PSTPIP1: variants seen among roughly 807,000 people sequenced by gnomAD.
The protein encoded by PSTPIP1 is proline-serine-threonine phosphatase interacting protein 1, also known as proline-serine-threonine phosphatase-interacting protein 1.
A neutral mutation model predicts 69.6 loss-of-function variants in PSTPIP1; 66 were observed. That is an observed-to-expected ratio of 0.95 (90% CI 0.78 to 1.16). PSTPIP1 has a LOEUF of 1.16. PSTPIP1 is among the 50% of genes most tolerant of loss of function. The probability of loss-of-function intolerance (pLI) is 0.00; values close to 1 mark genes in which losing one functional copy is unlikely to be tolerated. For synonymous variants in PSTPIP1, 266 were observed against 222.7 expected (o/e 1.19, Z -1.73); for missense variants, 603 against 557.4 (o/e 1.08, Z -0.82).
rs2076323062 is a variant in PSTPIP1, at chr15:77,027,978, T to C, written c.417+64T>C. On this transcript the variant is annotated intron_variant, in intron 6 of 14. Coordinates refer to ENST00000558012, the MANE Select transcript of PSTPIP1 (RefSeq NM_003978.5). The surrounding 1 kb of genome is among the most constrained non-coding windows in gnomAD (Gnocchi z 4.3). ...GAGCAGCGCAGGTCTCAGGGTGCGA[T>C]CCTGGGCTGTGGCCCCGGGCAGGGC... 11 of 1,401,452 alleles carry C rather than the reference T, an allele frequency of 7.8e-6. No homozygotes were observed. In the Admixed American group the frequency reaches 1.8e-4, roughly 23 times the overall value. 86.8% of individuals were successfully genotyped at this position (1,401,452 alleles called of 1,614,324 possible).
chr15:77,036,370 G>A lies in PSTPIP1; in HGVS notation c.1119+435G>A, dbSNP rs116237318. ...CCAGGCTCTGTGCCTTTGGGTCAGG[G>A]CCCTGTCCTTCGTGGCCATGGGTGT... On this transcript the variant is annotated intron_variant, in intron 14 of 14. Transcript: ENST00000558012. 3.1e-3 allele frequency among the ~76,000 whole-genome samples: 475 copies of A among 152,330 alleles called. 3 individuals are homozygous for A. The highest frequency in any genetic ancestry group is 0.01 in the African/African-American group (426 of 41,586).
rs149810691 is a variant in PSTPIP1, at chr15:76,998,633, G to A, written c.36+3024G>A. Among the ~76,000 whole-genome samples, 10 of 152,302 alleles carry A rather than the reference G, an allele frequency of 6.6e-5. No homozygotes were observed. The East Asian group carries it at 1.9e-3, about 29-fold the overall frequency. ...TGATGGACCTGGACTACGAAAGGAC[G>A]TTTCACAGGCAGCTAGCAGCCTGAT... On this transcript the variant is annotated intron_variant, in intron 1 of 14. Transcript: ENST00000558012.
intron 3 of PSTPIP1, among the ~76,000 whole-genome samples, chr15:77,023,818 C>T (rs2076214072): frequency 6.6e-6 from 1 of 151,990 alleles, no homozygotes; most frequent in Non-Finnish European, 1.5e-5. Context: ...GTGCGGGGAC[C>T]ACGCTGTGCC....
chr15:77,018,328 C>A, intron 2 of PSTPIP1, 80 bp downstream of exon 2: 2 of 1,531,624 alleles, frequency 1.3e-6, no homozygotes, highest in Non-Finnish European at 8.8e-7. Flanking sequence ...GTGGACGAGG[C>A]CCCCATCCCA....
intron 14 of PSTPIP1, among the ~76,000 whole-genome samples, chr15:77,036,670 T>C (rs2076581264): frequency 6.6e-6 from 1 of 152,042 alleles, no homozygotes. Flanking sequence ...GGTACTTGGA[T>C]GGCAGTGGCT....
At chr15:77,016,630 G>C (rs999941209) in intron 1 of PSTPIP1, among the ~76,000 whole-genome samples, 1 of 151,950 alleles carries the variant, frequency 6.6e-6, no homozygotes, top group African/African-American at 2.4e-5. Context: ...GGGGGTAGGA[G>C]CTTGGGGTCC....
intron 1 of PSTPIP1, among the ~76,000 whole-genome samples, chr15:77,000,538 C>A (rs1469365109): frequency 6.6e-6 from 1 of 150,798 alleles, no homozygotes; most frequent in Admixed American, 6.6e-5. Flanking sequence ...ACAAAATCAA[C>A]TAATATAAGA....
chr15:77,036,023 TCTC>T lies in PSTPIP1; in HGVS notation c.1119+92_1119+94del, dbSNP rs143476906. On this transcript the variant is annotated intron_variant, in intron 14 of 14. Transcript: ENST00000558012. ...CCATCCAGTGCCTTGCGTCCTCATCTCTCCTCATGGTTTCACTCATCTTCGAGC... is the reference window on the plus strand; with the variant it reads ...CCATCCAGTGCCTTGCGTCCTCATCTCTCATGGTTTCACTCATCTTCGAGC... The T allele has an allele frequency of 5.7e-4, 809 of 1,428,538 alleles. 4 individuals carry two copies. The African/African-American group carries it at 8.6e-3, about 15-fold the overall frequency. 88.5% of individuals were successfully genotyped at this position (1,428,538 alleles called of 1,614,324 possible).
At position 77,035,860 on chromosome 15, in the gene PSTPIP1, C is replaced by A; in HGVS notation, c.1044C>A (p.Ile348=). The part of the protein sequence containing the change: ...PERNEGVYTA[I]AVQEIQGNPA... ...GGAATGAGGGTGTCTACACAGCCAT[C>A]GCAGTGCAGGAGATACAGGGAAACC... The change falls in exon 14 of 15, where the codon ATC becomes ATA. Residue 348 remains isoleucine (I), a synonymous_variant. Transcript: ENST00000558012. The A allele has an allele frequency of 1.2e-6, 2 of 1,610,766 alleles. No homozygotes were observed. Among genetic ancestry groups the A allele is most frequent in the East Asian group, 2.2e-5 (1 of 44,870 alleles).
At chr15:76,998,178 C>T (rs751643479) in intron 1 of PSTPIP1, among the ~76,000 whole-genome samples, 6 of 152,244 alleles carry the variant, frequency 3.9e-5, no homozygotes, top group South Asian at 2.1e-4. Context: ...GCAGAGGTTG[C>T]AGTGAGCTGA....
At chr15:77,021,052 G>T (rs1435415190) in intron 3 of PSTPIP1, among the ~76,000 whole-genome samples, 1 of 152,194 alleles carries the variant, frequency 6.6e-6, no homozygotes, top group African/African-American at 2.4e-5. Context: ...ACGGGCAGGG[G>T]ACTGGGGGAT....
chr15:77,017,946 G>A lies in PSTPIP1; in HGVS notation c.37-202G>A, dbSNP rs79243436. Among the ~76,000 whole-genome samples, 367 of 152,350 alleles carry A rather than the reference G, an allele frequency of 2.4e-3. 14 individuals carry two copies. The East Asian group carries it at 0.067, about 28-fold the overall frequency. ...TGTCAGCTGGGTGGGGCTCACTTAT[G>A]TACCTGTCACCTCTGCAGATGTGAG... On this transcript the variant is annotated intron_variant, in intron 1 of 14. Coordinates refer to ENST00000558012, the MANE Select transcript of PSTPIP1 (RefSeq NM_003978.5).
chr15:77,025,638 C>T lies in PSTPIP1; in HGVS notation c.354+34C>T, dbSNP rs1336093674. 17 of 1,512,682 alleles carry T rather than the reference C, an allele frequency of 1.1e-5. No homozygotes were observed. The South Asian group carries it at 2.1e-4, about 18-fold the overall frequency. The allele number at this position is 1,512,682 out of a possible 1,614,324, so 93.7% of individuals were successfully genotyped here. ...GGTGCAGGGGGCGGGGGAGCTGCTC[C>T]CCCATTGCCAGCCTCTCAGTTGCTG... is the stretch of plus-strand genomic sequence containing the variant. On this transcript the variant is annotated intron_variant, in intron 5 of 14. Coordinates refer to ENST00000558012, the MANE Select transcript of PSTPIP1 (RefSeq NM_003978.5).
At chr15:77,019,847 G>A (rs1044256962) in intron 3 of PSTPIP1, among the ~76,000 whole-genome samples, 2 of 152,224 alleles carry the variant, frequency 1.3e-5, no homozygotes. Flanking sequence ...GCAGTGCCCA[G>A]AGCTCTCAGC....
At chr15:76,995,657 T>G in intron 1 of PSTPIP1, 48 bp downstream of exon 1, 1 of 1,612,024 alleles carries the variant, frequency 6.2e-7, no homozygotes, top group Non-Finnish European at 8.5e-7. Context: ...GGGGCAGAGC[T>G]AGGCTGAAAT....
At chr15:77,016,315 G>A (rs2076051798) in intron 1 of PSTPIP1, among the ~76,000 whole-genome samples, 1 of 152,154 alleles carries the variant, frequency 6.6e-6, no homozygotes, top group South Asian at 2.1e-4. Flanking sequence ...GGAGGCTGAG[G>A]CCCCAGATTT....
In PSTPIP1 at chr15:77,032,161, C is replaced by T; in HGVS notation, c.742-137C>T. 10 of 764,170 alleles carry T rather than the reference C, an allele frequency of 1.3e-5. No homozygotes were observed. In the South Asian group the frequency reaches 1.4e-4, roughly 11 times the overall value. The allele number at this position is 764,170 out of a possible 1,614,324, so 47.3% of individuals were successfully genotyped here. ...GGAAGCTGTCAGCCAGGGCCGTGAC[C>T]CCTCAGGATCAAAGACCCCGAGCCG... On this transcript the variant is annotated intron_variant, in intron 10 of 14. Coordinates refer to ENST00000558012, the MANE Select transcript of PSTPIP1 (RefSeq NM_003978.5).
At position 77,035,671 on chromosome 15, in the gene PSTPIP1, G is replaced by A; in HGVS notation, c.985+108G>A. On this transcript the variant is annotated intron_variant, in intron 13 of 14. Transcript: ENST00000558012. Reference sequence around the variant, plus strand: ...CTGAGGCCCTCAAGAGGAAGTGTGTGTCCCCCAACAGCAAGTGTGGACAGC... The same window carrying A: ...CTGAGGCCCTCAAGAGGAAGTGTGTATCCCCCAACAGCAAGTGTGGACAGC... 4 of 1,475,696 alleles carry A rather than the reference G, an allele frequency of 2.7e-6. No homozygotes were observed. In the South Asian group the frequency reaches 3.7e-5, roughly 14 times the overall value. The allele number at this position is 1,475,696 out of a possible 1,614,324, so 91.4% of individuals were successfully genotyped here.
At chr15:77,036,288 G>A (rs947229694) in intron 14 of PSTPIP1, among the ~76,000 whole-genome samples, 4 of 152,200 alleles carry the variant, frequency 2.6e-5, no homozygotes, top group African/African-American at 9.7e-5. Context: ...GCTGAGTGGT[G>A]CACACGTGCG....
Sources: gnomAD v4.1 joint callset for allele counts (sites outside exome capture counted in the v4.1 genomes callset) on GRCh38, gnomAD v4.1.1 for gene constraint, Gnocchi (gnomAD v3.1) non-coding constraint, MANE v1.5 for transcripts, NCBI Gene and HGNC (gene_info 2026-07-23, HGNC 2026-07-21) for gene names.